RGSL1: variants seen among roughly 807,000 people sequenced by gnomAD.
RGSL1 encodes regulator of G protein signaling like 1.
In RGSL1, 97 loss-of-function variants were observed where a neutral mutation model predicts 124.7. The ratio of observed to expected loss-of-function variants is 0.78; its 90% CI spans 0.66 to 0.92. RGSL1 has a LOEUF of 0.92. RGSL1 is among the 40% of genes least tolerant of loss of function. The probability of loss-of-function intolerance (pLI) is 0.00; values close to 1 mark genes in which losing one functional copy is unlikely to be tolerated. For synonymous variants in RGSL1, 424 were observed against 438.1 expected (o/e 0.97, Z 0.40); for missense variants, 1,233 against 1,288.4 (o/e 0.96, Z 0.66).
intron 4 of RGSL1, among the ~76,000 whole-genome samples, chr1:182,470,539 T>C (rs2102028272): frequency 6.6e-6 from 1 of 152,290 alleles, no homozygotes; most frequent in Middle Eastern, 3.4e-3. Context: ...CTCAACCCTT[T>C]GTACAAATCT....
intron 4 of RGSL1, among the ~76,000 whole-genome samples, chr1:182,461,402 A>G (rs1451614630): frequency 1.3e-5 from 2 of 152,142 alleles, no homozygotes; most frequent in African/African-American, 4.8e-5. Flanking sequence ...TCTGATTTCC[A>G]GAGTTAACAC....
chr1:182,548,179 A>C (rs1054199678), intron 15 of RGSL1, 138 bp from the exon 16 acceptor site: 10 of 830,292 alleles, frequency 1.2e-5, no homozygotes, highest in Non-Finnish European at 1.7e-5. Flanking sequence ...ATGAATTATG[A>C]CTGAATGAAT....
chr1:182,461,894 A>T (rs931758384), intron 4 of RGSL1, among the ~76,000 whole-genome samples: 1 of 152,164 alleles, frequency 6.6e-6, no homozygotes, highest in Non-Finnish European at 1.5e-5. Context: ...CAACACACAC[A>T]TACATTATGG....
chr1:182,463,368 G>T (rs1162384695), intron 4 of RGSL1, among the ~76,000 whole-genome samples: 1 of 151,694 alleles, frequency 6.6e-6, no homozygotes, highest in Non-Finnish European at 1.5e-5. Context: ...ACAGAGATTG[G>T]CAGAATAAAT....
intron 21 of RGSL1, among the ~76,000 whole-genome samples, chr1:182,560,056 A>G (rs1372293276): frequency 6.6e-6 from 1 of 152,250 alleles, no homozygotes; most frequent in Non-Finnish European, 1.5e-5. Context: ...GCATGACTAA[A>G]TGAATTGTGC....
At position 182,460,062 on chromosome 1, in the gene RGSL1, G is replaced by A. The variant is rs1652684995; in HGVS notation, c.230G>A (p.Cys77Tyr). 6.4e-7 allele frequency: 1 copy of A among 1,551,616 alleles called. No individual in the cohort carries two copies. Among genetic ancestry groups the A allele is most frequent in the Non-Finnish European group, 8.7e-7 (1 of 1,146,962 alleles). Residue 77 changes from cysteine to tyrosine, a missense_variant, in exon 4 of 22, where the codon TGT becomes TAT. Physicochemically the swap from Cys to Tyr is radical, Grantham distance 194. Coordinates refer to ENST00000294854, the MANE Select transcript of RGSL1 (RefSeq NM_001137669.2). ...GAAAAATGCCGATTACCTTTCTTCT[G>A]TAAAACAAACTTGTGTTTCCATTAC... The part of the protein sequence containing the change: ...WLEKCRLPFF[C>Y]KTNLCFHYIL...
At chr1:182,491,458 G>A (rs553167252) in intron 8 of RGSL1, among the ~76,000 whole-genome samples, 8 of 151,852 alleles carry the variant, frequency 5.3e-5, no homozygotes, top group Admixed American at 2.0e-4. Flanking sequence ...CAAGTGATCC[G>A]CCTGTCTCAG....
At chr1:182,533,617 T>C (rs751188790) in intron 14 of RGSL1, among the ~76,000 whole-genome samples, 1 of 152,204 alleles carries the variant, frequency 6.6e-6, no homozygotes, top group Non-Finnish European at 1.5e-5. Context: ...TGTCACTTCC[T>C]AGTTGAAGGA....
At chr1:182,510,232 C>T (rs1214972113) in intron 9 of RGSL1, among the ~76,000 whole-genome samples, 1 of 31,852 alleles carries the variant, frequency 3.1e-5, no homozygotes, top group East Asian at 3.8e-4. Flanking sequence ...ACATCCCAGA[C>T]GATGGGCGGC....
chr1:182,508,144 C>T (rs1399788106), intron 9 of RGSL1, among the ~76,000 whole-genome samples: 2 of 151,970 alleles, frequency 1.3e-5, no homozygotes, highest in Non-Finnish European at 2.9e-5. Flanking sequence ...ACATTCCTAC[C>T]GACAATGTGC....
chr1:182,459,454 T>G (rs1204319582), intron 3 of RGSL1, among the ~76,000 whole-genome samples: 1 of 152,192 alleles, frequency 6.6e-6, no homozygotes, highest in Non-Finnish European at 1.5e-5. Flanking sequence ...CTGAAGCTTA[T>G]GTTTGATTTC....
intron 9 of RGSL1, among the ~76,000 whole-genome samples, chr1:182,506,448 T>C (rs895855092): frequency 1.3e-5 from 2 of 152,192 alleles, no homozygotes; most frequent in Non-Finnish European, 2.9e-5. Flanking sequence ...CATTGTTAGA[T>C]GCAAGCAAAT....
intron 7 of RGSL1, 110 bp downstream of exon 7, chr1:182,488,457 C>T: frequency 9.2e-7 from 1 of 1,082,696 alleles, no homozygotes; most frequent in Non-Finnish European, 1.4e-6. Flanking sequence ...GTTATTTTTC[C>T]TAGAGTCAAC....
At chr1:182,558,905 G>A (rs1399223245) in intron 21 of RGSL1, among the ~76,000 whole-genome samples, 3 of 152,082 alleles carry the variant, frequency 2.0e-5, no homozygotes, top group Non-Finnish European at 4.4e-5. Flanking sequence ...ACAGATTCTA[G>A]AGTTTAGAGC....
chr1:182,452,815 T>C (rs1651957811), intron 1 of RGSL1, among the ~76,000 whole-genome samples: 2 of 152,112 alleles, frequency 1.3e-5, no homozygotes, highest in South Asian at 2.1e-4. Flanking sequence ...TCAGGAAAAA[T>C]GATTGTTTAG....
chr1:182,524,469 C>T (rs749898396), intron 10 of RGSL1, among the ~76,000 whole-genome samples: 2 of 152,108 alleles, frequency 1.3e-5, no homozygotes, highest in Non-Finnish European at 2.9e-5. Context: ...AATGGTAGAG[C>T]AAGAACATTC....
At chr1:182,484,246 A>G (rs1654923340) in intron 6 of RGSL1, among the ~76,000 whole-genome samples, 1 of 152,058 alleles carries the variant, frequency 6.6e-6, no homozygotes, top group African/African-American at 2.4e-5. Flanking sequence ...GACCTGGGGT[A>G]CTATGTCATC....
At chr1:182,510,657 G>T (rs1571613632) in intron 9 of RGSL1, among the ~76,000 whole-genome samples, 1 of 21,028 alleles carries the variant, frequency 4.8e-5, no homozygotes, top group African/African-American at 2.2e-4. Flanking sequence ...GGGAGACCGT[G>T]GGGAGAGTGA....
chr1:182,558,354 T>G (rs1660983720), intron 21 of RGSL1, among the ~76,000 whole-genome samples: 2 of 152,194 alleles, frequency 1.3e-5, no homozygotes. Flanking sequence ...CCTGGCCTAC[T>G]TCAGTTCCTG....
Sources: gnomAD v4.1 joint callset for allele counts (sites outside exome capture counted in the v4.1 genomes callset) on GRCh38, gnomAD v4.1.1 for gene constraint, MANE v1.5 for transcripts, NCBI Gene and HGNC (gene_info 2026-07-23, HGNC 2026-07-21) for gene names.